PCDHA7: variants seen among roughly 807,000 people sequenced by gnomAD.
PCDHA7 encodes protocadherin alpha-7.
PCDHA7 carries 37 observed loss-of-function variants against 57.2 expected under a neutral mutation model. The ratio of observed to expected loss-of-function variants is 0.65; its 90% CI spans 0.50 to 0.85. The LOEUF is 0.85. Ranked by LOEUF, PCDHA7 falls within the 40% of genes least tolerant of loss-of-function variation. The pLI is 0.00. For synonymous variants in PCDHA7, 553 were observed against 558.8 expected (o/e 0.99, Z 0.15); for missense variants, 1,188 against 1,241.8 (o/e 0.96, Z 0.65).
intron 1 of PCDHA7, among the ~76,000 whole-genome samples, chr5:140,954,129 G>T (rs1206426573): frequency 6.6e-6 from 1 of 152,160 alleles, no homozygotes; most frequent in Non-Finnish European, 1.5e-5. Context: ...CCTTTTTATG[G>T]ATGCATAGTA....
Position 141,009,742 on chromosome 5 carries a change from C to A in PCDHA7, c.2619C>A (p.Asp873Glu). 6.2e-7 allele frequency: 1 copy of A among 1,614,160 alleles called. No individual in the cohort carries two copies. Among genetic ancestry groups the A allele is most frequent in the Non-Finnish European group, 8.5e-7 (1 of 1,180,038 alleles). The part of the protein sequence containing the change: ...PKQSGPGELP[D>E]KFIIPGSPAI... ...AATCCGGTCCCGGTGAGTTGCCCGA[C>A]AAATTCATTATCCCAGGATCTCCTG... is the stretch of plus-strand genomic sequence containing the variant. The change falls in exon 4 of 4, where the codon GAC becomes GAA. Residue 873 changes from aspartate to glutamate, a missense_variant. By Grantham distance (45) the Asp-to-Glu change is conservative. Around this residue, in one of 3 missense-constraint regions of PCDHA7, gnomAD observed 892 missense variants for 788.5 expected, o/e 1.13. Coordinates refer to ENST00000525929, the MANE Select transcript of PCDHA7 (RefSeq NM_018910.3).
At chr5:140,877,048 G>A (rs376952553) in intron 1 of PCDHA7, 2 of 1,612,558 alleles carry the variant, frequency 1.2e-6, no homozygotes, top group East Asian at 2.2e-5. Flanking sequence ...GCTAGACCAC[G>A]AGGAGCTGGA....
intron 3 of PCDHA7, among the ~76,000 whole-genome samples, chr5:140,983,854 T>A (rs1554245766): frequency 6.6e-6 from 1 of 152,206 alleles, no homozygotes; most frequent in Non-Finnish European, 1.5e-5. Flanking sequence ...TTAAGTAACA[T>A]GCAGCTAAGG....
At position 140,894,082 on chromosome 5, in the gene PCDHA7, A is replaced by C. The variant is rs2064311424; in HGVS notation, c.2355+57344A>C. On this transcript the variant is annotated intron_variant, in intron 1 of 3. Transcript: ENST00000525929. ...TTTTTAAATACATTTATTTTATTCC[A>C]GTATCTTCTAGCTCCTGGTGTTGCA... 3.3e-5 allele frequency among the ~76,000 whole-genome samples: 5 copies of C among 152,174 alleles called. No homozygotes were observed. In the South Asian group the frequency reaches 8.3e-4, roughly 25 times the overall value.
intron 1 of PCDHA7, chr5:140,843,096 C>A (rs2150352451): frequency 1.9e-6 from 3 of 1,595,484 alleles, no homozygotes; most frequent in Non-Finnish European, 2.6e-6. Context: ...CACGTGGTAG[C>A]GAAGGTGCGC....
At chr5:140,978,594 G>C (rs184264823) in intron 1 of PCDHA7, among the ~76,000 whole-genome samples, 31 of 152,288 alleles carry the variant, frequency 2.0e-4, no homozygotes, top group African/African-American at 7.5e-4. Flanking sequence ...CCCTTAATGG[G>C]GCACTTGAGG....
Position 140,836,709 on chromosome 5 carries a change from C to A in PCDHA7, c.2326C>A (p.Leu776Ile). Residue 776 changes from leucine (L) to isoleucine (I), a missense_variant, in exon 1 of 4, where the codon CTT becomes ATT. This residue lies in a region of PCDHA7 where 892 missense variants were observed against 788.5 expected (regional missense o/e 1.13). Transcript: ENST00000525929. ...KTDLMAFSPSLPQGPSSTDNP... is the reference protein window; with the variant it reads ...KTDLMAFSPSIPQGPSSTDNP... Reference sequence around the variant, plus strand: ...AGACCTCATGGCCTTCAGTCCCAGCCTTCCTCAGGGTCCATCCTCTACAGA... The same window carrying A: ...AGACCTCATGGCCTTCAGTCCCAGCATTCCTCAGGGTCCATCCTCTACAGA... 1.2e-6 allele frequency: 2 copies of A among 1,613,210 alleles called. No individual in the cohort carries two copies. Among genetic ancestry groups the A allele is most frequent in the Non-Finnish European group, 1.7e-6 (2 of 1,179,454 alleles).
intron 1 of PCDHA7, chr5:140,859,459 C>A (rs1379028308): frequency 9.2e-6 from 2 of 216,756 alleles, no homozygotes; most frequent in Non-Finnish European, 1.8e-5. Context: ...AGTGACAAAA[C>A]TACACTATCA....
intron 1 of PCDHA7, chr5:140,848,706 C>A (rs2150418265): frequency 6.3e-7 from 1 of 1,592,212 alleles, no homozygotes; most frequent in African/African-American, 1.3e-5. Context: ...TTCCAAAGGC[C>A]GCGGGGACCT....
chr5:140,937,511 G>A (rs569896730), intron 1 of PCDHA7, among the ~76,000 whole-genome samples: 2 of 152,166 alleles, frequency 1.3e-5, no homozygotes, highest in Non-Finnish European at 2.9e-5. Context: ...CAGCTACTCA[G>A]GAGGCTGAGG....
At chr5:140,837,029 A>G (rs1774885010) in intron 1 of PCDHA7, 1 of 233,596 alleles carries the variant, frequency 4.3e-6, no homozygotes, top group Admixed American at 5.1e-5. Context: ...TCTATAGTGT[A>G]TTTACAAAAT....
chr5:140,955,359 C>A (rs1390938554), intron 1 of PCDHA7, among the ~76,000 whole-genome samples: 1 of 151,992 alleles, frequency 6.6e-6, no homozygotes, highest in African/African-American at 2.4e-5. Context: ...TGAGAGGGAC[C>A]CAGTGGGAGG....
chr5:140,966,922 G>A (rs782206344), intron 1 of PCDHA7: 5 of 1,603,072 alleles, frequency 3.1e-6, no homozygotes, highest in Non-Finnish European at 4.2e-6. Context: ...CAGAGGAGCA[G>A]GCACCCGGCG....
intron 1 of PCDHA7, among the ~76,000 whole-genome samples, chr5:140,971,573 CT>C (rs1203027280): frequency 6.6e-6 from 1 of 152,110 alleles, no homozygotes; most frequent in African/African-American, 2.4e-5. Flanking sequence ...GTTGGGCTTT[CT>C]TTTTTTCCTA....
intron 1 of PCDHA7, among the ~76,000 whole-genome samples, chr5:140,916,761 G>A (rs1391817856): frequency 2.0e-5 from 3 of 152,306 alleles, no homozygotes; most frequent in South Asian, 2.1e-4. Flanking sequence ...TTAGGGGAGG[G>A]GTGGCACAAG....
intron 1 of PCDHA7, among the ~76,000 whole-genome samples, chr5:140,943,702 G>C (rs2153663732): frequency 6.6e-6 from 1 of 152,280 alleles, no homozygotes; most frequent in South Asian, 2.1e-4. Context: ...AAATATTGTG[G>C]AACACATTTA....
chr5:140,866,964 C>T (rs1197921114), intron 1 of PCDHA7: 1 of 152,102 alleles, frequency 6.6e-6, no homozygotes, highest in East Asian at 1.9e-4. Flanking sequence ...GAGATGGTGA[C>T]ATCTGAAATA....
At chr5:140,869,682 A>AGG in intron 1 of PCDHA7, 3 of 1,613,466 alleles carry the variant, frequency 1.9e-6, no homozygotes, top group Non-Finnish European at 2.5e-6. Context: ...AAAGACTGTC[A>AGG]CTTATTTTAA....
intron 1 of PCDHA7, chr5:140,843,268 C>T (rs1778736907): frequency 1.3e-6 from 2 of 1,595,984 alleles, no homozygotes; most frequent in East Asian, 2.2e-5. Flanking sequence ...GTCTGCTGGT[C>T]CTGGTGAAGG....
Sources: gnomAD v4.1 joint callset for allele counts (sites outside exome capture counted in the v4.1 genomes callset) on GRCh38, gnomAD v4.1.1 for gene constraint, gnomAD v4.1.1 regional missense constraint, MANE v1.5 for transcripts, NCBI Gene and HGNC (gene_info 2026-07-23, HGNC 2026-07-21) for gene names.